The following PRKD1 variants were observed in gnomAD, a reference collection of about 807,000 sequenced individuals.
The protein encoded by PRKD1 is protein kinase D1.
A neutral mutation model predicts 95.9 loss-of-function variants in PRKD1; 63 were observed. That is an observed-to-expected ratio of 0.66 (90% CI 0.54 to 0.81). The LOEUF (loss-of-function observed/expected upper bound fraction) is 0.81, where lower values mean the gene tolerates loss of function less well. PRKD1 is among the 30% of genes least tolerant of loss of function. The pLI is 0.00. For synonymous variants in PRKD1, 425 were observed against 423.1 expected, an observed-to-expected ratio of 1.00 and a Z score of -0.05; for missense variants, 1,048 against 1,165.3, an observed-to-expected ratio of 0.90 and a Z score of 1.47.
Position 29,605,745 on chromosome 14 carries a change from A to T in PRKD1, c.1906-5928T>A, listed in dbSNP as rs1893681323. Among the ~76,000 whole-genome samples, 3 of 152,332 alleles carry T rather than the reference A, an allele frequency of 2.0e-5. No individual in the cohort carries two copies. In the South Asian group the frequency reaches 6.2e-4, roughly 32 times the overall value. On this transcript the variant is annotated intron_variant, in intron 13 of 17. Transcript: ENST00000331968. The stretch of plus-strand genomic sequence containing the variant: ...ACTAAATATTCAACACATTTGCTAA[A>T]TTTGATTGAAAGATGAAGAGTCTCT...
intron 1 of PRKD1, among the ~76,000 whole-genome samples, chr14:29,778,002 A>G (rs12892503): frequency 0.26 from 39,866 of 151,966 alleles, 5,852 homozygotes; most frequent in African/African-American, 0.39. Context: ...ATTCAAAACC[A>G]CTCAACTACA....
In PRKD1 at chr14:29,835,730, C is replaced by A. The variant is rs2139304521; in HGVS notation, c.264+91519G>T. Among the ~76,000 whole-genome samples the A allele has an allele frequency of 1.3e-5, 2 of 152,224 alleles. 1 individual carries two copies. The highest frequency in any genetic ancestry group is 3.9e-4 in the East Asian group (2 of 5,168). On this transcript the variant is annotated intron_variant, in intron 1 of 17. Coordinates refer to ENST00000331968, the MANE Select transcript of PRKD1 (RefSeq NM_002742.3). ...GGATTACAGGCACACGCCACCACAC[C>A]CAGCTAATTTTTGTATTTTTAGTAG...
intron 1 of PRKD1, among the ~76,000 whole-genome samples, chr14:29,903,995 C>A (rs1894410306): frequency 6.6e-6 from 1 of 152,134 alleles, no homozygotes; most frequent in Admixed American, 6.5e-5. Flanking sequence ...CAAACACACA[C>A]ACACACATAT....
chr14:29,676,688 G>T (rs1384383904), intron 2 of PRKD1, among the ~76,000 whole-genome samples: 3 of 152,134 alleles, frequency 2.0e-5, no homozygotes. Context: ...ACAAGGTGCA[G>T]CTGAGAAAAC....
Position 29,632,953 on chromosome 14 carries a change from C to T in PRKD1, c.1315-7G>A. 1.9e-6 allele frequency: 3 copies of T among 1,609,448 alleles called. No individual in the cohort carries two copies. Among genetic ancestry groups the T allele is most frequent in the Non-Finnish European group, 2.6e-6 (3 of 1,175,920 alleles). On this transcript the variant is annotated splice_region_variant and splice_polypyrimidine_tract_variant and intron_variant, in intron 8 of 17. Transcript: ENST00000331968. ...TCCAATAGTGCCGTTTCCGCTGAAA[C>T]AGAAGTTAGATCCAAGATCTTTTTA... is the stretch of plus-strand genomic sequence containing the variant.
At chr14:29,784,639 C>T (rs1889187777) in intron 1 of PRKD1, among the ~76,000 whole-genome samples, 1 of 152,048 alleles carries the variant, frequency 6.6e-6, no homozygotes, top group Admixed American at 6.6e-5. Context: ...ATAAATGTCC[C>T]TTTGTCAACT....
intron 16 of PRKD1, among the ~76,000 whole-genome samples, chr14:29,580,692 T>C (rs567324749): frequency 6.6e-6 from 1 of 152,252 alleles, no homozygotes; most frequent in South Asian, 2.1e-4. Flanking sequence ...AACTATACCA[T>C]CCAAAATGCG....
chr14:29,648,765 C>A (rs10130151), intron 4 of PRKD1, among the ~76,000 whole-genome samples: 2,235 of 152,260 alleles, frequency 0.015, 57 homozygotes, highest in African/African-American at 0.05. Flanking sequence ...TGCCATTCTC[C>A]TACCTCAGCC....
chr14:29,691,879 A>G (rs902686409), intron 2 of PRKD1, among the ~76,000 whole-genome samples: 1 of 152,124 alleles, frequency 6.6e-6, no homozygotes, highest in Non-Finnish European at 1.5e-5. Context: ...AGAATGGTCT[A>G]AGTTGGAATA....
At chr14:29,838,677 G>A (rs1033179426) in intron 1 of PRKD1, among the ~76,000 whole-genome samples, 10 of 151,840 alleles carry the variant, frequency 6.6e-5, no homozygotes, top group Non-Finnish European at 1.3e-4. Context: ...TTGGGTACAG[G>A]GATCTATATA....
chr14:29,599,893 A>G (rs549184407), intron 13 of PRKD1, 76 bp from the exon 14 acceptor site: 152 of 1,385,980 alleles, frequency 1.1e-4, no homozygotes, highest in Non-Finnish European at 1.1e-4. Context: ...ATTATACAAA[A>G]CTGTTCAAGC....
At chr14:29,712,321 C>T (rs1257932282) in intron 2 of PRKD1, among the ~76,000 whole-genome samples, 1 of 152,012 alleles carries the variant, frequency 6.6e-6, no homozygotes, top group Non-Finnish European at 1.5e-5. Flanking sequence ...CCACACAGCT[C>T]TACATGATCA....
chr14:29,651,791 T>C (rs1270454064), intron 4 of PRKD1, among the ~76,000 whole-genome samples: 1 of 152,160 alleles, frequency 6.6e-6, no homozygotes, highest in Non-Finnish European at 1.5e-5. Context: ...TTGTGCAGTC[T>C]AGAGTGCAAT....
intron 1 of PRKD1, among the ~76,000 whole-genome samples, chr14:29,818,615 T>G (rs1890786287): frequency 8.3e-6 from 1 of 120,348 alleles, no homozygotes; most frequent in African/African-American, 2.7e-5. Context: ...ATACTTCATT[T>G]GAAAAAAAAA....
At chr14:29,764,015 G>A (rs557673873) in intron 1 of PRKD1, among the ~76,000 whole-genome samples, 2 of 152,218 alleles carry the variant, frequency 1.3e-5, no homozygotes, top group African/African-American at 2.4e-5. Context: ...ATGTACATAC[G>A]TAAGTGTGTG....
intron 1 of PRKD1, among the ~76,000 whole-genome samples, chr14:29,828,899 G>T (rs1473497473): frequency 6.6e-6 from 1 of 152,154 alleles, no homozygotes; most frequent in Non-Finnish European, 1.5e-5. Context: ...GAATGCAGTG[G>T]AAATAGTGGT....
intron 2 of PRKD1, among the ~76,000 whole-genome samples, chr14:29,712,778 G>A (rs1037393860): frequency 8.5e-5 from 13 of 152,104 alleles, no homozygotes; most frequent in African/African-American, 3.1e-4. Context: ...TTTTATATGG[G>A]TTGCATGTTA....
chr14:29,797,985 T>C (rs1889885684), intron 1 of PRKD1, among the ~76,000 whole-genome samples: 1 of 152,208 alleles, frequency 6.6e-6, no homozygotes, highest in Non-Finnish European at 1.5e-5. Context: ...ATTACAGAAC[T>C]CAATGCCATA....
intron 1 of PRKD1, among the ~76,000 whole-genome samples, chr14:29,789,831 T>C (rs1730071006): frequency 1.3e-5 from 2 of 151,952 alleles, no homozygotes; most frequent in South Asian, 4.2e-4. Flanking sequence ...AAATGACACA[T>C]GAGTGTCAGC....
Sources: allele counts gnomAD v4.1 joint callset (sites outside exome capture counted in the v4.1 genomes callset), GRCh38; gene constraint gnomAD v4.1.1; transcripts MANE v1.5; gene names NCBI Gene and HGNC (gene_info 2026-07-23, HGNC 2026-07-21).